Variants in PLAU observed in about 807,000 individuals in gnomAD.
PLAU encodes the protein urokinase-type plasminogen activator.
In PLAU, 32 loss-of-function variants were observed where a neutral mutation model predicts 48.9. That is an observed-to-expected ratio of 0.65 (90% CI 0.49 to 0.88). PLAU has a LOEUF of 0.88. Among genes scored for constraint, PLAU ranks in the 40% least tolerant of loss-of-function variants. PLAU has a pLI of 0.00. For missense variants in PLAU, 455 were observed against 545.2 expected (o/e 0.83, Z 1.65); for synonymous variants, 199 against 205.7 (o/e 0.97, Z 0.28).
chr10:73,916,170 G>T (rs927906620), intron 10 of PLAU, among the ~76,000 whole-genome samples: 5 of 152,236 alleles, frequency 3.3e-5, no homozygotes, highest in Admixed American at 3.3e-4. Context: ...CTTGAGCACA[G>T]GAGGCAAGTT....
At chr10:73,914,226 A>T in intron 8 of PLAU, 98 bp downstream of exon 8, 3 of 1,295,070 alleles carry the variant, frequency 2.3e-6, no homozygotes, top group African/African-American at 1.5e-5. Flanking sequence ...CCGGTGGGGC[A>T]GGGGTGGGGC....
upstream of PLAU, chr10:73,909,055 G>A (rs1209713240): frequency 6.6e-6 from 1 of 152,008 alleles, no homozygotes; most frequent in Non-Finnish European, 1.5e-5. Context: ...TCTGTGAAGA[G>A]TTGAAGTGCT....
Position 73,913,415 on chromosome 10 carries a change from T to C in PLAU, c.460+34T>C, listed in dbSNP as rs1358387210. ...CACTGACCTGCTGATGACAGTGGGG[T>C]GGAAGGGGACAAACTTACATGTCCC... is the stretch of plus-strand genomic sequence containing the variant. On this transcript the variant is annotated intron_variant, in intron 6 of 10. Transcript: ENST00000372764. 5.0e-6 allele frequency: 8 copies of C among 1,594,882 alleles called. No homozygotes were observed. In the Admixed American group the frequency reaches 6.7e-5, roughly 13 times the overall value.
At chr10:73,913,259 A>G (rs1018178536) in intron 5 of PLAU, 31 bp from the exon 6 acceptor site, 1 of 1,610,854 alleles carries the variant, frequency 6.2e-7, no homozygotes, top group Admixed American at 1.7e-5. Flanking sequence ...TCTGGGTTGG[A>G]ATGACATCCC....
At chr10:73,911,782 G>T (rs888862810) in intron 2 of PLAU, 170 bp downstream of exon 2, 2 of 1,551,880 alleles carry the variant, frequency 1.3e-6, no homozygotes, top group Non-Finnish European at 1.7e-6. Flanking sequence ...AACCACGGGG[G>T]TTGGCACTGG....
rs751542437 is a variant in PLAU, at chr10:73,911,917, A to T, written c.58-124A>T. 30 of 1,594,186 alleles carry T rather than the reference A, an allele frequency of 1.9e-5. No homozygotes were observed. The Admixed American group carries it at 5.3e-4, about 28-fold the overall frequency. The stretch of plus-strand genomic sequence containing the variant: ...ATGGTCTTCCATTTGAGAACTAGAT[A>T]CGAACAGGGTGAGGCGAGAGGGAGA... On this transcript the variant is annotated intron_variant, in intron 2 of 10. Transcript: ENST00000372764.
rs1011514143 is a variant in PLAU at position 73,913,813 on chromosome 10, C to T, written c.680+55C>T. On this transcript the variant is annotated intron_variant, in intron 7 of 10. Coordinates refer to ENST00000372764, the MANE Select transcript of PLAU (RefSeq NM_002658.6). The stretch of plus-strand genomic sequence containing the variant: ...CTTCTGCCCCACCCCAAGCACATCC[C>T]TTTCTCCTTCCCAGCAAAGTGTTCC... 2.1e-6 allele frequency: 3 copies of T among 1,449,662 alleles called. No homozygotes were observed. The African/African-American group carries it at 4.2e-5, about 20-fold the overall frequency. The allele number at this position is 1,449,662 out of a possible 1,614,324, so 89.8% of individuals were successfully genotyped here.
Position 73,917,100 on chromosome 10 carries a change from CTT to C in PLAU, c.*536_*537del, listed in dbSNP as rs1434051286. 6.4e-6 allele frequency: 1 copy of C among 155,234 alleles called. No homozygotes were observed. The highest frequency in any genetic ancestry group is 2.4e-5 in the African/African-American group (1 of 41,416). 9.6% of individuals were successfully genotyped at this position (155,234 alleles called of 1,614,324 possible). ...ATATATGTGTGTGTATGTTTGCACA[CTT>C]GTGTGTGGGCTGTGAGTGTAAGTGT... is the stretch of plus-strand genomic sequence containing the variant. On this transcript the variant is annotated 3_prime_UTR_variant, in exon 11 of 11. Transcript: ENST00000372764.
intron 2 of PLAU, 74 bp downstream of exon 2, chr10:73,911,686 C>A: frequency 1.3e-6 from 2 of 1,591,214 alleles, no homozygotes; most frequent in East Asian, 2.3e-5. Context: ...AGGGGCTGCT[C>A]AGGGAGCTGG....
chr10:73,913,412 G>T (rs778693912), intron 6 of PLAU, 31 bp downstream of exon 6: 4 of 1,594,298 alleles, frequency 2.5e-6, no homozygotes, highest in African/African-American at 1.3e-5. Flanking sequence ...GATGACAGTG[G>T]GGTGGAAGGG....
Position 73,913,708 on chromosome 10 carries a change from A to C in PLAU, c.630A>C (p.Gly210=). The change falls in exon 7 of 11, where the codon GGA becomes GGC. Residue 210 remains glycine, a synonymous_variant. Coordinates refer to ENST00000372764, the MANE Select transcript of PLAU (RefSeq NM_002658.6). ...GGGGCTCTGTCACCTACGTGTGTGG[A>C]GGCAGCCTCATCAGCCCTTGCTGGG... ...HRGGSVTYVC[G]GSLISPCWVI... 1.9e-6 allele frequency: 3 copies of C among 1,612,438 alleles called. No individual in the cohort carries two copies. The highest frequency in any genetic ancestry group is 2.5e-6 in the Non-Finnish European group (3 of 1,179,308).
chr10:73,916,061 G>A (rs891025243), intron 10 of PLAU, among the ~76,000 whole-genome samples: 6 of 152,150 alleles, frequency 3.9e-5, no homozygotes, highest in African/African-American at 1.2e-4. Flanking sequence ...CCAACATGGT[G>A]AAACCCTGTG....
chr10:73,911,470 C>T (rs1310848276), intron 1 of PLAU, 55 bp from the exon 2 acceptor site: 18 of 1,533,504 alleles, frequency 1.2e-5, no homozygotes, highest in Non-Finnish European at 1.5e-5. Context: ...AGTCGCCCGC[C>T]TGGCCTGCCT....
At chr10:73,909,665 A>G (rs2096120660), upstream of PLAU, among the ~76,000 whole-genome samples, 1 of 152,118 alleles carries the variant, frequency 6.6e-6, no homozygotes, top group Admixed American at 6.5e-5. Flanking sequence ...CCCAGACCCA[A>G]GGTCCAGATT....
chr10:73,910,079 A>G (rs1222810068), upstream of PLAU: 6 of 152,240 alleles, frequency 3.9e-5, no homozygotes, highest in Non-Finnish European at 7.3e-5. Flanking sequence ...TAAAAAATGC[A>G]TAATTATCTT....
chr10:73,916,356 T>C, intron 10 of PLAU, 33 bp from the exon 11 acceptor site: 1 of 1,598,628 alleles, frequency 6.3e-7, no homozygotes, highest in Non-Finnish European at 8.5e-7. Flanking sequence ...CTCACTTCTC[T>C]AGGGCTCATC....
chr10:73,912,350 G>T, intron 4 of PLAU, 28 bp downstream of exon 4: 4 of 747,564 alleles, frequency 5.4e-6, no homozygotes, highest in Non-Finnish European at 8.6e-6. Context: ...GCAACTGGGA[G>T]AGAAATTTGG....
Position 73,912,940 on chromosome 10 carries a change from C to T in PLAU, c.210C>T (p.Cys70=). Residue 70 remains cysteine (C), a synonymous_variant, in exon 5 of 11, where the codon TGC becomes TGT. Transcript: ENST00000372764. ...QHCEIDKSKT[C]YEGNGHFYRG... is the part of the protein sequence containing the mutation. Reference sequence around the variant, plus strand: ...CCCTTGTAGATAAGTCAAAAACCTGCTATGAGGGGAATGGTCACTTTTACC... The same window carrying T: ...CCCTTGTAGATAAGTCAAAAACCTGTTATGAGGGGAATGGTCACTTTTACC... 1 of 1,612,740 alleles carries T rather than the reference C, an allele frequency of 6.2e-7. No individual in the cohort carries two copies. The highest frequency in any genetic ancestry group is 8.5e-7 in the Non-Finnish European group (1 of 1,179,322).
intron 2 of PLAU, 176 bp downstream of exon 2, chr10:73,911,788 A>G: frequency 6.4e-7 from 1 of 1,551,806 alleles, no homozygotes; most frequent in Non-Finnish European, 8.7e-7. Flanking sequence ...GGGGGTTGGC[A>G]CTGGCTGGCA....
Sources: gnomAD v4.1 joint callset for allele counts (sites outside exome capture counted in the v4.1 genomes callset) on GRCh38, gnomAD v4.1.1 for gene constraint, MANE v1.5 for transcripts, NCBI Gene and HGNC (gene_info 2026-07-23, HGNC 2026-07-21) for gene names.